Variants in CSAD observed in about 807,000 individuals in gnomAD.
CSAD encodes cysteine sulfinic acid decarboxylase.
CSAD carries 47 observed loss-of-function variants against 61.5 expected under a neutral mutation model. That is an observed-to-expected ratio of 0.76 (90% CI 0.60 to 0.97). CSAD has a LOEUF of 0.97. Among genes scored for constraint, CSAD ranks in the 50% least tolerant of loss-of-function variants. The probability of loss-of-function intolerance (pLI) is 0.00; values close to 1 mark genes in which losing one functional copy is unlikely to be tolerated. For synonymous variants in CSAD, 245 were observed against 252.7 expected, an observed-to-expected ratio of 0.97 and a Z score of 0.29; for missense variants, 611 against 643.6, an observed-to-expected ratio of 0.95 and a Z score of 0.55.
rs371198598 is a variant in CSAD at position 53,170,156 on chromosome 12, G to C, written c.648-30C>G. 32 of 1,605,142 alleles carry C rather than the reference G, an allele frequency of 2.0e-5. No homozygotes were observed. The African/African-American group carries it at 3.9e-4, about 19-fold the overall frequency. ...AAAAGAAAATGCAGAGGGTAGAGCA[G>C]GGACAGGTTCTCTGTTGAAGGCAGG... is the stretch of plus-strand genomic sequence containing the variant. On this transcript the variant is annotated intron_variant, in intron 9 of 16. Transcript: ENST00000444623.
intron 2 of CSAD, among the ~76,000 whole-genome samples, chr12:53,175,414 C>T (rs1027750437): frequency 3.9e-5 from 6 of 152,132 alleles, no homozygotes; most frequent in Non-Finnish European, 7.4e-5. Context: ...CGCTCTCAGC[C>T]AGGTTTATGG....
chr12:53,160,034 A>T, intron 14 of CSAD, 86 bp downstream of exon 14: 1 of 1,602,586 alleles, frequency 6.2e-7, no homozygotes, highest in Non-Finnish European at 8.5e-7. Context: ...AGACCGAGAG[A>T]AAAGTAATCC....
intron 10 of CSAD, among the ~76,000 whole-genome samples, chr12:53,169,186 GA>G (rs755984478): frequency 2.2e-4 from 29 of 134,466 alleles, no homozygotes; most frequent in Admixed American, 3.8e-4. Flanking sequence ...TCTCAAAAAA[GA>G]AAAAAAAAAT....
At chr12:53,180,456 G>A (rs1407587973) in intron 1 of CSAD, 15 of 1,190,972 alleles carry the variant, frequency 1.3e-5, no homozygotes, top group Non-Finnish European at 1.3e-5. Flanking sequence ...GAAGGGCCGA[G>A]GGTCCTGCCC....
intron 6 of CSAD, 51 bp downstream of exon 6, chr12:53,172,295 T>A (rs377462950): frequency 1.3e-6 from 2 of 1,533,392 alleles, no homozygotes; most frequent in African/African-American, 2.7e-5. Context: ...GGCACCTCTC[T>A]AGCAAACCTA....
intron 10 of CSAD, among the ~76,000 whole-genome samples, chr12:53,166,905 G>A (rs1489436462): frequency 6.6e-6 from 1 of 152,168 alleles, no homozygotes; most frequent in Non-Finnish European, 1.5e-5. Flanking sequence ...ATGTAAAAAT[G>A]GTTAAGATGG....
intron 10 of CSAD, among the ~76,000 whole-genome samples, chr12:53,168,475 C>CA (rs1176693941): frequency 1.3e-5 from 2 of 152,258 alleles, no homozygotes; most frequent in East Asian, 3.9e-4. Context: ...TACTGCTACT[C>CA]AGAGGTAACA....
chr12:53,168,887 A>G (rs938395000), intron 10 of CSAD, among the ~76,000 whole-genome samples: 3 of 152,168 alleles, frequency 2.0e-5, no homozygotes, highest in Non-Finnish European at 4.4e-5. Context: ...ATTTTTTTTT[A>G]AAACATTTAT....
intron 8 of CSAD, 173 bp downstream of exon 8, chr12:53,171,153 T>C (rs1327802900): frequency 4.3e-6 from 4 of 928,680 alleles, no homozygotes; most frequent in Non-Finnish European, 6.7e-6. Context: ...CAGAAGGCAA[T>C]GTGAACAGGA....
intron 14 of CSAD, 30 bp from the exon 15 acceptor site, chr12:53,159,968 G>A (rs376302073): frequency 1.1e-4 from 181 of 1,604,020 alleles, no homozygotes; most frequent in Middle Eastern, 3.3e-4. Flanking sequence ...AACCATAGGC[G>A]GGGAGGAAAA....
At chr12:53,178,638 CA>C (rs1419139904) in intron 2 of CSAD, among the ~76,000 whole-genome samples, 1 of 151,862 alleles carries the variant, frequency 6.6e-6, no homozygotes, top group Non-Finnish European at 1.5e-5. Flanking sequence ...CTAAAAAATA[CA>C]AAAAAATTAG....
intron 8 of CSAD, chr12:53,170,778 T>C (rs1940479926): frequency 2.2e-6 from 1 of 451,096 alleles, no homozygotes; most frequent in African/African-American, 2.0e-5. Context: ...TGGAGTGCAG[T>C]GGTGTCATCT....
chr12:53,159,958 A>C lies in CSAD; in HGVS notation c.1167-20T>G, dbSNP rs1015667156. The C allele has an allele frequency of 4.4e-6, 7 of 1,606,166 alleles. No individual in the cohort carries two copies. The highest frequency in any genetic ancestry group is 6.0e-6 in the Non-Finnish European group (7 of 1,175,672). On this transcript the variant is annotated intron_variant, in intron 14 of 16. Transcript: ENST00000444623. The stretch of plus-strand genomic sequence containing the variant: ...AGGTACCTGTGAACAGAGAGTGAGA[A>C]ACCATAGGCGGGGAGGAAAAGCAGA...
chr12:53,164,596 A>G (rs1939672477), intron 10 of CSAD: 1 of 154,208 alleles, frequency 6.5e-6, no homozygotes, highest in African/African-American at 2.4e-5. Context: ...GGGAGGGGAG[A>G]AAAGGTTGAA....
At chr12:53,163,093 T>C (rs374063329) in intron 10 of CSAD, among the ~76,000 whole-genome samples, 2 of 146,402 alleles carry the variant, frequency 1.4e-5, no homozygotes, top group East Asian at 3.9e-4. Flanking sequence ...AATAGACAGG[T>C]GTATAGGGGT....
Position 53,159,889 on chromosome 12 carries a change from C to G in CSAD, c.1216G>C (p.Glu406Gln), listed in dbSNP as rs765750301. The stretch of plus-strand genomic sequence containing the variant: ...CACAAAATAGAAAGGGGTCCTACCT[C>G]CATGACTAGCTCAAACCCTTCCCGC... ...KKREGFELVM[E>Q]PEFVNVCFWF... Residue 406 changes from glutamate (E) to glutamine (Q), a missense_variant and splice_region_variant, in exon 15 of 17, where the codon GAG becomes CAG. Coordinates refer to ENST00000444623, the MANE Select transcript of CSAD (RefSeq NM_001244705.2). The G allele has an allele frequency of 4.4e-6, 7 of 1,596,170 alleles. No homozygotes were observed. The Admixed American group carries it at 1.2e-4, about 28-fold the overall frequency.
chr12:53,169,974 A>G, intron 10 of CSAD, 98 bp downstream of exon 10: 1 of 1,033,622 alleles, frequency 9.7e-7, no homozygotes, highest in Non-Finnish European at 1.5e-6. Flanking sequence ...ATGGGCATGG[A>G]GACGAGAGGG....
intron 10 of CSAD, 147 bp downstream of exon 10, chr12:53,169,925 C>G (rs985310060): frequency 4.3e-6 from 3 of 705,396 alleles, no homozygotes; most frequent in African/African-American, 3.5e-5. Flanking sequence ...AGTGTCCTCA[C>G]CCCCAGGCTC....
chr12:53,160,413 C>A, intron 13 of CSAD, 94 bp from the exon 14 acceptor site: 1 of 1,270,796 alleles, frequency 7.9e-7, no homozygotes, highest in Non-Finnish European at 1.1e-6. Context: ...AGGATACCCT[C>A]TTCTTTCCCT....
Sources: gnomAD v4.1 joint callset for allele counts (sites outside exome capture counted in the v4.1 genomes callset) on GRCh38, gnomAD v4.1.1 for gene constraint, MANE v1.5 for transcripts, NCBI Gene and HGNC (gene_info 2026-07-23, HGNC 2026-07-21) for gene names.